The following CSMD1 variants were observed in gnomAD, a reference collection of about 807,000 sequenced individuals.
CSMD1 encodes CUB and Sushi multiple domains 1.
A neutral mutation model predicts 417.5 loss-of-function variants in CSMD1; 213 were observed. That is an observed-to-expected ratio of 0.51 (90% CI 0.46 to 0.57). The LOEUF is 0.57. CSMD1 is among the 20% of genes least tolerant of loss of function. CSMD1 has a pLI of 0.00. For missense variants in CSMD1, 6,923 were observed against 4,529.7 expected (o/e 1.53, Z -15.17); for synonymous variants, 2,862 against 1,736.8 (o/e 1.65, Z -16.11).
At chr8:3,783,123 T>A (rs1312554438) in intron 5 of CSMD1, among the ~76,000 whole-genome samples, 1 of 152,186 alleles carries the variant, frequency 6.6e-6, no homozygotes, top group African/African-American at 2.4e-5. Flanking sequence ...CTTCTCGGGA[T>A]TTATCCAGAA....
intron 3 of CSMD1, among the ~76,000 whole-genome samples, chr8:4,413,733 C>T (rs1038941708): frequency 2.0e-5 from 3 of 152,046 alleles, no homozygotes; most frequent in African/African-American, 7.2e-5. Flanking sequence ...GGTTCTAATA[C>T]AGCTAGTGTT....
chr8:4,770,938 A>G (rs1009138423), intron 1 of CSMD1, among the ~76,000 whole-genome samples: 2 of 152,178 alleles, frequency 1.3e-5, no homozygotes, highest in African/African-American at 4.8e-5. Flanking sequence ...AGGCTACAGA[A>G]CAAACAATAA....
chr8:4,034,625 T>A (rs1277360166), intron 3 of CSMD1, among the ~76,000 whole-genome samples: 1 of 152,188 alleles, frequency 6.6e-6, no homozygotes, highest in Admixed American at 6.5e-5. Flanking sequence ...GCTCTTACAG[T>A]CAAAGACACA....
intron 3 of CSMD1, among the ~76,000 whole-genome samples, chr8:4,404,089 G>C (rs555512125): frequency 3.9e-5 from 6 of 152,102 alleles, no homozygotes; most frequent in African/African-American, 1.4e-4. Context: ...TGCTTTTACT[G>C]CTTTAGGGAA....
chr8:4,776,438 A>G (rs543725108), intron 1 of CSMD1, among the ~76,000 whole-genome samples: 1 of 152,252 alleles, frequency 6.6e-6, no homozygotes, highest in East Asian at 1.9e-4. Context: ...TCGGATCCTC[A>G]TGTTATATTA....
chr8:4,441,209 G>A (rs549338581), intron 2 of CSMD1, among the ~76,000 whole-genome samples: 11 of 135,612 alleles, frequency 8.1e-5, no homozygotes, highest in African/African-American at 1.4e-4. Flanking sequence ...AGCAATCCTC[G>A]CACGTCAGCC....
At chr8:3,586,935 G>A (rs1800628286) in intron 8 of CSMD1, among the ~76,000 whole-genome samples, 1 of 152,126 alleles carries the variant, frequency 6.6e-6, no homozygotes, top group Admixed American at 6.5e-5. Context: ...GAGTAGCTGG[G>A]ACTACAGATG....
At chr8:3,466,892 G>A (rs574630879) in intron 12 of CSMD1, among the ~76,000 whole-genome samples, 1 of 152,244 alleles carries the variant, frequency 6.6e-6, no homozygotes, top group South Asian at 2.1e-4. Context: ...GTCTTCTACT[G>A]TTATAATCTC....
chr8:4,809,687 G>C (rs7842352), intron 1 of CSMD1, among the ~76,000 whole-genome samples: 10,968 of 152,220 alleles, frequency 0.072, 664 homozygotes, highest in East Asian at 0.24. Context: ...CTAAAACTGA[G>C]TTTGATATCT....
chr8:2,951,366 G>T, intron 65 of CSMD1, 91 bp from the exon 66 acceptor site: 2 of 1,326,038 alleles, frequency 1.5e-6, no homozygotes, highest in Non-Finnish European at 1.0e-6. Flanking sequence ...ATACTGCTTA[G>T]CGAGCGATCA....
At chr8:3,166,467 G>C (rs907401359) in intron 37 of CSMD1, among the ~76,000 whole-genome samples, 1 of 152,170 alleles carries the variant, frequency 6.6e-6, no homozygotes, top group Non-Finnish European at 1.5e-5. Flanking sequence ...CTGGGAAGCA[G>C]AGGTTGCAGT....
At chr8:4,124,506 G>C (rs1328611078) in intron 3 of CSMD1, among the ~76,000 whole-genome samples, 2 of 152,178 alleles carry the variant, frequency 1.3e-5, no homozygotes, top group African/African-American at 4.8e-5. Context: ...ACTGCCCCTT[G>C]AGTGTGTCTT....
intron 10 of CSMD1, among the ~76,000 whole-genome samples, chr8:3,501,654 T>C (rs905536145): frequency 3.9e-5 from 6 of 152,168 alleles, no homozygotes; most frequent in African/African-American, 1.4e-4. Flanking sequence ...CTTCAAATTA[T>C]GTATCAGAAG....
At chr8:3,448,841 C>A (rs1815502130) in intron 12 of CSMD1, among the ~76,000 whole-genome samples, 1 of 152,186 alleles carries the variant, frequency 6.6e-6, no homozygotes, top group African/African-American at 2.4e-5. Flanking sequence ...GGATAATTGT[C>A]TCCACTCTCC....
intron 5 of CSMD1, among the ~76,000 whole-genome samples, chr8:3,960,968 T>G (rs1812285224): frequency 6.6e-6 from 1 of 151,940 alleles, no homozygotes; most frequent in African/African-American, 2.4e-5. Flanking sequence ...ATTGTATGAT[T>G]TAAATTCTTT....
chr8:4,063,896 C>G (rs768089311), intron 3 of CSMD1, among the ~76,000 whole-genome samples: 1 of 152,134 alleles, frequency 6.6e-6, no homozygotes, highest in Non-Finnish European at 1.5e-5. Flanking sequence ...AATATCAAAT[C>G]GTGCACAATG....
At chr8:3,250,708 T>C (rs976353839) in intron 26 of CSMD1, among the ~76,000 whole-genome samples, 41 of 152,190 alleles carry the variant, frequency 2.7e-4, no homozygotes, top group Admixed American at 9.8e-4. Flanking sequence ...CTCCACATCC[T>C]CTCCAGCACC....
At chr8:3,444,543 T>C (rs11785386) in intron 12 of CSMD1, among the ~76,000 whole-genome samples, 28,035 of 152,042 alleles carry the variant, frequency 0.18, 3,287 homozygotes, top group Middle Eastern at 0.25. Context: ...GAGGCATTGG[T>C]ATTTGCACAC....
chr8:3,830,204 T>G (rs1013137460), intron 5 of CSMD1, among the ~76,000 whole-genome samples: 1 of 152,190 alleles, frequency 6.6e-6, no homozygotes, highest in Non-Finnish European at 1.5e-5. Flanking sequence ...CAAGGATTGT[T>G]TGAGGTAAAA....
Sources: gnomAD v4.1 joint callset for allele counts (sites outside exome capture counted in the v4.1 genomes callset) on GRCh38, gnomAD v4.1.1 for gene constraint, MANE v1.5 for transcripts, NCBI Gene and HGNC (gene_info 2026-07-23, HGNC 2026-07-21) for gene names.